The following WDPCP variants were observed in gnomAD, a reference collection of about 807,000 sequenced individuals.
WDPCP encodes WD repeat containing planar cell polarity effector, also known as WD repeat-containing and planar cell polarity effector protein fritz homolog.
A neutral mutation model predicts 93.1 loss-of-function variants in WDPCP; 71 were observed. The ratio of observed to expected loss-of-function variants is 0.76; its 90% confidence interval spans 0.63 to 0.93. The LOEUF (loss-of-function observed/expected upper bound fraction) is 0.93. WDPCP is among the 40% of genes least tolerant of loss of function. WDPCP has a pLI of 0.00. For synonymous variants in WDPCP, 315 were observed against 315.0 expected (o/e 1.00, Z 0.00); for missense variants, 844 against 887.4 (o/e 0.95, Z 0.62).
At chr2:63,338,352 G>A (rs1434935495) in intron 12 of WDPCP, among the ~76,000 whole-genome samples, 1 of 151,588 alleles carries the variant, frequency 6.6e-6, no homozygotes, top group Non-Finnish European at 1.5e-5. Context: ...AGGAGTTTGA[G>A]ACCAGCCTGG....
At chr2:63,463,979 G>A (rs1287943376) in intron 6 of WDPCP, among the ~76,000 whole-genome samples, 1 of 152,028 alleles carries the variant, frequency 6.6e-6, no homozygotes, top group Admixed American at 6.6e-5. Context: ...TCTTGCATAT[G>A]ACACCAAAAG....
At chr2:63,616,121 C>A (rs1446126178) in intron 3 of WDPCP, among the ~76,000 whole-genome samples, 1 of 152,084 alleles carries the variant, frequency 6.6e-6, no homozygotes. Flanking sequence ...ACATATAGTA[C>A]AATAAATTCT....
chr2:63,768,565 G>A (rs1179796114), intron 2 of WDPCP, among the ~76,000 whole-genome samples: 1 of 152,038 alleles, frequency 6.6e-6, no homozygotes, highest in Non-Finnish European at 1.5e-5. Flanking sequence ...CTGGGGACAA[G>A]ACAAGCCATT....
intron 3 of WDPCP, among the ~76,000 whole-genome samples, chr2:63,611,196 T>C (rs968200011): frequency 7.2e-5 from 11 of 152,272 alleles, no homozygotes; most frequent in African/African-American, 2.7e-4. Context: ...AAACTTTATT[T>C]AGCCAGTCTC....
At chr2:63,774,177 A>G (rs1042183535) in intron 2 of WDPCP, among the ~76,000 whole-genome samples, 2 of 152,140 alleles carry the variant, frequency 1.3e-5, no homozygotes, top group Non-Finnish European at 2.9e-5. Flanking sequence ...ACACAGTGCC[A>G]AGCAATTATG....
chr2:63,234,187 A>T (rs960435705), intron 14 of WDPCP, among the ~76,000 whole-genome samples: 3 of 152,190 alleles, frequency 2.0e-5, no homozygotes, highest in Non-Finnish European at 4.4e-5. Flanking sequence ...TTCTTGCACC[A>T]ATCAGTATGT....
At chr2:63,721,029 G>C (rs779926284) in intron 2 of WDPCP, among the ~76,000 whole-genome samples, 8 of 152,150 alleles carry the variant, frequency 5.3e-5, no homozygotes, top group Non-Finnish European at 1.2e-4. Context: ...GTGTTAATAG[G>C]GACATTTGAA....
intron 14 of WDPCP, among the ~76,000 whole-genome samples, chr2:63,181,313 A>G (rs1300478995): frequency 6.6e-6 from 1 of 152,024 alleles, no homozygotes; most frequent in African/African-American, 2.4e-5. Context: ...TTCTTCTAGT[A>G]TTTTTATAGT....
chr2:63,754,202 T>C (rs1191387816), intron 2 of WDPCP, among the ~76,000 whole-genome samples: 1 of 152,210 alleles, frequency 6.6e-6, no homozygotes, highest in Non-Finnish European at 1.5e-5. Context: ...CCTAGTAAGT[T>C]GGCTCCTATC....
chr2:63,392,299 T>C (rs2105033158), intron 10 of WDPCP, among the ~76,000 whole-genome samples: 1 of 152,304 alleles, frequency 6.6e-6, no homozygotes, highest in South Asian at 2.1e-4. Flanking sequence ...GATTCCCTAT[T>C]TAATAAATGG....
upstream of WDPCP, chr2:63,589,221 A>G: frequency 1.9e-6 from 3 of 1,568,700 alleles, no homozygotes; most frequent in Non-Finnish European, 1.7e-6. Flanking sequence ...ATGGGAAGGG[A>G]TTGATTTCCA....
intron 3 of WDPCP, chr2:63,622,467 C>T (rs1709753335): frequency 6.8e-6 from 11 of 1,613,966 alleles, no homozygotes; most frequent in African/African-American, 1.3e-5. Context: ...TTCAGTCCAG[C>T]CGCTGTTGTC....
At chr2:63,530,622 AG>A (rs1239237624) in intron 1 of WDPCP, among the ~76,000 whole-genome samples, 2 of 152,166 alleles carry the variant, frequency 1.3e-5, no homozygotes, top group African/African-American at 4.8e-5. Context: ...TGTTACTGTG[AG>A]TAATAAACTG....
At chr2:63,138,473 A>G (rs1459486394) in intron 17 of WDPCP, among the ~76,000 whole-genome samples, 20 of 125,988 alleles carry the variant, frequency 1.6e-4, no homozygotes, top group Admixed American at 1.5e-3. Flanking sequence ...TTTTTTTTTG[A>G]GACGGAGTCT....
intron 14 of WDPCP, among the ~76,000 whole-genome samples, chr2:63,212,448 A>C (rs552746232): frequency 6.6e-6 from 1 of 152,320 alleles, no homozygotes; most frequent in South Asian, 2.1e-4. Context: ...GGCCTGCCTT[A>C]CAAGAGCTCC....
chr2:63,526,319 A>AT (rs1415911912), intron 1 of WDPCP, among the ~76,000 whole-genome samples: 1 of 152,060 alleles, frequency 6.6e-6, no homozygotes, highest in Non-Finnish European at 1.5e-5. Flanking sequence ...TGATGGCACT[A>AT]TTTCGTGTTG....
intron 2 of WDPCP, among the ~76,000 whole-genome samples, chr2:63,772,422 T>C (rs900731142): frequency 6.6e-6 from 1 of 152,028 alleles, no homozygotes; most frequent in Non-Finnish European, 1.5e-5. Flanking sequence ...TGTATATAAA[T>C]GTCTAATAGA....
At chr2:63,763,970 G>A (rs969428817) in intron 2 of WDPCP, among the ~76,000 whole-genome samples, 2 of 152,082 alleles carry the variant, frequency 1.3e-5, no homozygotes, top group African/African-American at 2.4e-5. Context: ...CTTGTGAGAG[G>A]AATTCTACAG....
At chr2:63,517,688 A>G (rs1162431079) in intron 1 of WDPCP, among the ~76,000 whole-genome samples, 1 of 152,024 alleles carries the variant, frequency 6.6e-6, no homozygotes, top group Non-Finnish European at 1.5e-5. Context: ...CTTAATTTCT[A>G]GTTGTATTGC....
Sources: gnomAD v4.1 joint callset for allele counts (sites outside exome capture counted in the v4.1 genomes callset) on GRCh38, gnomAD v4.1.1 for gene constraint, MANE v1.5 for transcripts, NCBI Gene and HGNC (gene_info 2026-07-23, HGNC 2026-07-21) for gene names.